The following R3HDM1 variants were observed in gnomAD, a reference collection of about 807,000 sequenced individuals.
R3HDM1 encodes R3H domain containing 1, also known as R3H domain-containing protein 1.
Under a neutral mutation model 141.1 loss-of-function variants are expected in R3HDM1, and 46 were observed. That is an observed-to-expected ratio of 0.33 (90% CI 0.26 to 0.42). The LOEUF (loss-of-function observed/expected upper bound fraction) is 0.42. Among genes scored for constraint, R3HDM1 ranks in the 10% least tolerant of loss-of-function variants. R3HDM1 has a pLI of 1.00. For missense variants in R3HDM1, 1,184 were observed against 1,368.3 expected (o/e 0.87, Z 2.12); for synonymous variants, 435 against 472.9 (o/e 0.92, Z 1.04).
At chr2:135,541,050 G>A (rs143572730) in intron 1 of R3HDM1, among the ~76,000 whole-genome samples, 396 of 152,222 alleles carry the variant, frequency 2.6e-3, no homozygotes, top group African/African-American at 8.9e-3. Context: ...TTCGTAAATA[G>A]CATATCTGTT....
At chr2:135,610,989 AG>A (rs2060483702) in intron 3 of R3HDM1, among the ~76,000 whole-genome samples, 1 of 152,068 alleles carries the variant, frequency 6.6e-6, no homozygotes, top group African/African-American at 2.4e-5. Flanking sequence ...ACATACCTGT[AG>A]TCACAGTTGT....
chr2:135,560,252 A>C (rs1403024077), intron 1 of R3HDM1, among the ~76,000 whole-genome samples: 1 of 152,256 alleles, frequency 6.6e-6, no homozygotes, highest in Non-Finnish European at 1.5e-5. Flanking sequence ...AACATGCTGC[A>C]GGTGATACTT....
intron 21 of R3HDM1, among the ~76,000 whole-genome samples, chr2:135,681,125 A>C (rs984930296): frequency 6.6e-6 from 1 of 152,230 alleles, no homozygotes; most frequent in Non-Finnish European, 1.5e-5. Context: ...TGTCTCTGAC[A>C]AGCCATGTGT....
chr2:135,672,514 T>C (rs1178671858), intron 19 of R3HDM1, among the ~76,000 whole-genome samples: 1 of 152,188 alleles, frequency 6.6e-6, no homozygotes, highest in East Asian at 1.9e-4. Flanking sequence ...TTCTTCCTCT[T>C]TTTTTCATAA....
At chr2:135,705,949 GA>G (rs2074848718) in intron 21 of R3HDM1, among the ~76,000 whole-genome samples, 1 of 152,070 alleles carries the variant, frequency 6.6e-6, no homozygotes. Flanking sequence ...CTAACATGGT[GA>G]AACCCCGTCT....
chr2:135,642,408 T>C (rs1372414310), intron 15 of R3HDM1, among the ~76,000 whole-genome samples: 1 of 152,188 alleles, frequency 6.6e-6, no homozygotes, highest in Non-Finnish European at 1.5e-5. Flanking sequence ...TGTTAGGTGC[T>C]TTAAATATAA....
chr2:135,558,093 A>G (rs1415330221), intron 1 of R3HDM1, among the ~76,000 whole-genome samples: 1 of 152,224 alleles, frequency 6.6e-6, no homozygotes, highest in Non-Finnish European at 1.5e-5. Flanking sequence ...TAATTGGTTC[A>G]AGTGTAATGC....
chr2:135,579,595 C>CGGGGGGTGGGGGGGGGGGG (rs1706289163), intron 1 of R3HDM1, among the ~76,000 whole-genome samples: 1 of 86,842 alleles, frequency 1.2e-5, no homozygotes, highest in African/African-American at 5.8e-5. Context: ...TATGGGGTGG[C>CGGGGGGTGGGGGGGGGGGG]GGGGGGGGGT....
chr2:135,617,867 T>A (rs1306546815), intron 5 of R3HDM1, among the ~76,000 whole-genome samples: 4 of 152,208 alleles, frequency 2.6e-5, no homozygotes, highest in Non-Finnish European at 5.9e-5. Context: ...CCATGACTGA[T>A]CCATGACATG....
intron 16 of R3HDM1, among the ~76,000 whole-genome samples, chr2:135,648,499 T>C (rs898395432): frequency 6.6e-6 from 1 of 152,198 alleles, no homozygotes; most frequent in African/African-American, 2.4e-5. Flanking sequence ...AGAGATATTG[T>C]TCAGAAGGAG....
At chr2:135,609,999 G>A (rs911321183) in intron 3 of R3HDM1, among the ~76,000 whole-genome samples, 1 of 151,824 alleles carries the variant, frequency 6.6e-6, no homozygotes, top group Non-Finnish European at 1.5e-5. Flanking sequence ...AGCTGAAACC[G>A]TGCCACTCTA....
chr2:135,642,308 G>A (rs2105250835), intron 15 of R3HDM1, among the ~76,000 whole-genome samples: 1 of 152,022 alleles, frequency 6.6e-6, no homozygotes, highest in South Asian at 2.1e-4. Context: ...AAAATTGGGG[G>A]GAGTCATGTA....
At chr2:135,546,868 C>T (rs1309575299) in intron 1 of R3HDM1, among the ~76,000 whole-genome samples, 2 of 152,112 alleles carry the variant, frequency 1.3e-5, no homozygotes, top group African/African-American at 4.8e-5. Flanking sequence ...GATGGAGTTT[C>T]ACCATGTTGG....
rs1420706284 is a variant in R3HDM1, at chr2:135,722,478, G to C, written c.2974G>C (p.Gly992Arg). 6.2e-7 allele frequency: 1 copy of C among 1,613,762 alleles called. No individual in the cohort carries two copies. The highest frequency in any genetic ancestry group is 8.5e-7 in the Non-Finnish European group (1 of 1,179,982). The change falls in exon 26 of 27, where the codon GGC becomes CGC. Residue 992 changes from glycine to arginine, a missense_variant. Physicochemically the swap from Gly to Arg is moderately radical, Grantham distance 125. Coordinates refer to ENST00000683871, the MANE Select transcript of R3HDM1 (RefSeq NM_001378107.1). Reference protein sequence around the residue: ...GHIPNQQGQPGSRHGNRGRRQ... With the variant: ...GHIPNQQGQPRSRHGNRGRRQ... ...ATTTGTGGGTTTTCAGGGTCAGCCT[G>C]GCAGCAGGCATGGAAACCGAGGAAG...
intron 15 of R3HDM1, among the ~76,000 whole-genome samples, chr2:135,643,578 A>G (rs1267717139): frequency 6.6e-6 from 1 of 152,198 alleles, no homozygotes; most frequent in African/African-American, 2.4e-5. Flanking sequence ...TCTTTTTTTA[A>G]CAATCCAATT....
At chr2:135,653,603 A>C (rs1362064428) in intron 18 of R3HDM1, among the ~76,000 whole-genome samples, 1 of 152,158 alleles carries the variant, frequency 6.6e-6, no homozygotes, top group East Asian at 1.9e-4. Context: ...GAAGTATGTT[A>C]TTTAATTTCC....
chr2:135,667,035 T>C (rs1291812406), intron 19 of R3HDM1: 1 of 836,218 alleles, frequency 1.2e-6, no homozygotes, highest in Non-Finnish European at 1.4e-6. Flanking sequence ...ATGGGTATTC[T>C]AAGCATTTCT....
chr2:135,662,109 A>C (rs2066804701), intron 19 of R3HDM1, among the ~76,000 whole-genome samples: 1 of 152,210 alleles, frequency 6.6e-6, no homozygotes, highest in African/African-American at 2.4e-5. Flanking sequence ...TGTACTTCCC[A>C]GATGTTTAAT....
chr2:135,625,176 A>G (rs1257049260), intron 7 of R3HDM1, among the ~76,000 whole-genome samples: 1 of 152,238 alleles, frequency 6.6e-6, no homozygotes, highest in Non-Finnish European at 1.5e-5. Context: ...GGGGCCCTGC[A>G]CAATGATTCA....
Sources: allele counts gnomAD v4.1 joint callset (sites outside exome capture counted in the v4.1 genomes callset), GRCh38; gene constraint gnomAD v4.1.1; transcripts MANE v1.5; gene names NCBI Gene and HGNC (gene_info 2026-07-23, HGNC 2026-07-21).